Variants in RPS6KC1 observed in about 807,000 individuals in gnomAD.
RPS6KC1 encodes the protein ribosomal protein S6 kinase C1, also known as inactive ribosomal protein S6 kinase delta-1.
A neutral mutation model predicts 103.8 loss-of-function variants in RPS6KC1; 54 were observed. The ratio of observed to expected loss-of-function variants is 0.52; its 90% CI spans 0.42 to 0.65. RPS6KC1 has a LOEUF of 0.65. Ranked by LOEUF, RPS6KC1 falls within the 30% of genes least tolerant of loss-of-function variation. RPS6KC1 has a pLI of 0.00. For missense variants in RPS6KC1, 1,151 were observed against 1,253.8 expected, an observed-to-expected ratio of 0.92 and a Z score of 1.24; for synonymous variants, 439 against 438.7, an observed-to-expected ratio of 1.00 and a Z score of -0.01.
chr1:213,626,610 G>T, the RPS6KC1 span, among the ~76,000 whole-genome samples: 1 of 152,190 alleles, frequency 6.6e-6, no homozygotes, highest in Non-Finnish European at 1.5e-5. Context: ...TGTATAAGGT[G>T]TGAGGAAGGG....
chr1:213,701,381 C>T, the RPS6KC1 span, among the ~76,000 whole-genome samples: 1 of 152,048 alleles, frequency 6.6e-6, no homozygotes, highest in East Asian at 1.9e-4. Flanking sequence ...GATGAACCAT[C>T]CTTGCATCCC....
chr1:213,065,190 T>A (rs1252859693), intron 1 of RPS6KC1, among the ~76,000 whole-genome samples: 2 of 151,570 alleles, frequency 1.3e-5, no homozygotes, highest in Non-Finnish European at 2.9e-5. Context: ...TTGGCCAGGC[T>A]GGTCTCGAAC....
chr1:213,071,301 G>A (rs1424815057), intron 2 of RPS6KC1, among the ~76,000 whole-genome samples: 1 of 152,010 alleles, frequency 6.6e-6, no homozygotes, highest in Non-Finnish European at 1.5e-5. Flanking sequence ...AGCTATTTTT[G>A]TATTTTTAGT....
chr1:213,783,385 C>A, the RPS6KC1 span, among the ~76,000 whole-genome samples: 4 of 152,134 alleles, frequency 2.6e-5, no homozygotes, highest in African/African-American at 7.2e-5. Flanking sequence ...CAGCCAGAGG[C>A]GCTGCTACAA....
At chr1:213,587,804 T>C in the RPS6KC1 span, among the ~76,000 whole-genome samples, 7 of 152,200 alleles carry the variant, frequency 4.6e-5, no homozygotes, top group East Asian at 1.9e-4. Flanking sequence ...AGCAAATCTC[T>C]AGAAATCCCA....
the RPS6KC1 span, among the ~76,000 whole-genome samples, chr1:213,328,504 C>CTA: frequency 9.3e-3 from 946 of 101,280 alleles, 17 homozygotes; most frequent in East Asian, 0.043. Flanking sequence ...AGCCATTATA[C>CTA]TATATATATA....
chr1:213,583,408 C>G, the RPS6KC1 span, among the ~76,000 whole-genome samples: 2 of 152,172 alleles, frequency 1.3e-5, no homozygotes, highest in South Asian at 4.1e-4. Context: ...GAGCTTGGTT[C>G]TGAGCTCTAC....
chr1:213,425,123 C>G, the RPS6KC1 span, among the ~76,000 whole-genome samples: 15 of 152,172 alleles, frequency 9.9e-5, no homozygotes, highest in Admixed American at 4.6e-4. Flanking sequence ...ATTACCTACA[C>G]AATCTCTCAG....
chr1:213,794,745 G>T, the RPS6KC1 span, among the ~76,000 whole-genome samples: 1 of 152,076 alleles, frequency 6.6e-6, no homozygotes, highest in Non-Finnish European at 1.5e-5. Context: ...TGTCTTGCCC[G>T]GGGAGAATAG....
At chr1:213,713,985 T>G in the RPS6KC1 span, among the ~76,000 whole-genome samples, 6 of 152,366 alleles carry the variant, frequency 3.9e-5, no homozygotes, top group South Asian at 1.2e-3. Context: ...CTGCTTTGAC[T>G]AGACTTTACA....
At chr1:213,240,516 G>A (rs932544791) in intron 10 of RPS6KC1, among the ~76,000 whole-genome samples, 186 bp from the exon 11 acceptor site, 7 of 151,714 alleles carry the variant, frequency 4.6e-5, no homozygotes, top group South Asian at 2.1e-4. Context: ...GCTTGAAACC[G>A]TACTCACCAG....
chr1:213,613,189 T>G, the RPS6KC1 span, among the ~76,000 whole-genome samples: 1 of 152,340 alleles, frequency 6.6e-6, no homozygotes, highest in South Asian at 2.1e-4. Context: ...GCCTTGTGAG[T>G]TAGAGGAATT....
chr1:213,718,014 G>T, the RPS6KC1 span, among the ~76,000 whole-genome samples: 2 of 152,152 alleles, frequency 1.3e-5, no homozygotes, highest in African/African-American at 2.4e-5. Flanking sequence ...ATATGAAAAG[G>T]GAAAAAGAGA....
chr1:213,057,545 T>C (rs1487833776), intron 1 of RPS6KC1, among the ~76,000 whole-genome samples: 1 of 152,120 alleles, frequency 6.6e-6, no homozygotes, highest in East Asian at 1.9e-4. Flanking sequence ...TACTTTTGTC[T>C]TTTTGAGAAT....
At chr1:213,470,916 T>A in the RPS6KC1 span, among the ~76,000 whole-genome samples, 1 of 152,166 alleles carries the variant, frequency 6.6e-6, no homozygotes, top group Non-Finnish European at 1.5e-5. Context: ...TGAGCCACGA[T>A]GCCTGGCCTG....
chr1:213,568,694 G>C, the RPS6KC1 span, among the ~76,000 whole-genome samples: 19 of 152,200 alleles, frequency 1.2e-4, no homozygotes, highest in African/African-American at 4.6e-4. Flanking sequence ...GGACGCAAAA[G>C]CCCTGCAAGA....
chr1:213,691,772 G>A, the RPS6KC1 span, among the ~76,000 whole-genome samples: 7 of 152,066 alleles, frequency 4.6e-5, no homozygotes, highest in African/African-American at 1.4e-4. Flanking sequence ...AAGCATGCAC[G>A]GGAAGGAATC....
chr1:213,443,680 G>T, the RPS6KC1 span, among the ~76,000 whole-genome samples: 3 of 152,120 alleles, frequency 2.0e-5, no homozygotes, highest in African/African-American at 7.2e-5. Flanking sequence ...CTTTGGGAGC[G>T]TGAGGTGGGC....
chr1:213,850,656 C>T, the RPS6KC1 span, among the ~76,000 whole-genome samples: 4 of 152,288 alleles, frequency 2.6e-5, no homozygotes, highest in African/African-American at 7.2e-5. Context: ...GTATTTTTTA[C>T]GTGTTTGTTC....
Sources: gnomAD v4.1 joint callset for allele counts (sites outside exome capture counted in the v4.1 genomes callset) on GRCh38, gnomAD v4.1.1 for gene constraint, MANE v1.5 for transcripts, NCBI Gene and HGNC (gene_info 2026-07-23, HGNC 2026-07-21) for gene names.